The following CDH13 variants were observed in gnomAD, a reference collection of about 807,000 sequenced individuals.
CDH13 encodes the protein cadherin-13.
A neutral mutation model predicts 63.8 loss-of-function variants in CDH13; 24 were observed. The observed-to-expected ratio is 0.38, with a 90% CI of 0.27 to 0.53. The LOEUF is 0.53. Ranked by LOEUF, CDH13 falls within the 20% of genes least tolerant of loss-of-function variation. The pLI is 0.85. For synonymous variants in CDH13, 503 were observed against 355.3 expected (o/e 1.42, Z -4.67); for missense variants, 1,049 against 903.1 (o/e 1.16, Z -2.07).
intron 10 of CDH13, chr16:83,735,246 C>A (rs1911432989): frequency 6.6e-6 from 1 of 152,128 alleles, no homozygotes; most frequent in Non-Finnish European, 1.5e-5. Flanking sequence ...GATTGTCTTT[C>A]CTAACCATTC....
chr16:82,970,438 G>A (rs1378471154), intron 2 of CDH13, among the ~76,000 whole-genome samples: 1 of 104,794 alleles, frequency 9.5e-6, no homozygotes. Flanking sequence ...TGTCGCCCAG[G>A]CCGGACTGCG....
rs1015861090 is a variant in CDH13, at chr16:83,106,011, G to A, written c.367-19374G>A. 1.1e-4 allele frequency among the ~76,000 whole-genome samples: 17 copies of A among 152,184 alleles called. No individual in the cohort carries two copies. In the East Asian group the frequency reaches 2.3e-3, roughly 21 times the overall value. ...AAGGAAATGTGTTGGAACAATGTCC[G>A]CCTTCACAAGATTAAATTTGTTTCC... On this transcript the variant is annotated intron_variant, in intron 3 of 13. Coordinates refer to ENST00000567109, the MANE Select transcript of CDH13 (RefSeq NM_001257.5).
At chr16:83,205,448 T>C (rs1318254159) in intron 4 of CDH13, among the ~76,000 whole-genome samples, 1 of 152,166 alleles carries the variant, frequency 6.6e-6, no homozygotes, top group Non-Finnish European at 1.5e-5. Flanking sequence ...TCTCCCATGT[T>C]ATGTAAAATG....
chr16:83,424,558 C>T (rs1217663052), intron 6 of CDH13, among the ~76,000 whole-genome samples: 1 of 152,064 alleles, frequency 6.6e-6, no homozygotes, highest in Non-Finnish European at 1.5e-5. Flanking sequence ...ATTAGTTAGA[C>T]TGAGGCAAAC....
chr16:82,736,456 A>G (rs2033678358), intron 1 of CDH13, among the ~76,000 whole-genome samples: 1 of 152,186 alleles, frequency 6.6e-6, no homozygotes, highest in South Asian at 2.1e-4. Context: ...TGCATTGATG[A>G]ACAAGTTGCA....
intron 2 of CDH13, among the ~76,000 whole-genome samples, chr16:82,869,203 C>T (rs148300977): frequency 7.0e-4 from 106 of 152,246 alleles, no homozygotes; most frequent in African/African-American, 2.3e-3. Context: ...TGCACCACCA[C>T]GCCTGGCTAA....
chr16:82,704,857 G>T (rs1017893670), intron 1 of CDH13, among the ~76,000 whole-genome samples: 3 of 152,206 alleles, frequency 2.0e-5, no homozygotes, highest in Admixed American at 6.5e-5. Flanking sequence ...GATAATGCAT[G>T]AACCATGCTT....
intron 5 of CDH13, among the ~76,000 whole-genome samples, chr16:83,328,686 G>A (rs1163902750): frequency 6.6e-6 from 1 of 152,148 alleles, no homozygotes; most frequent in East Asian, 1.9e-4. Context: ...TATAGCTGAT[G>A]GAAGCAGCTG....
intron 6 of CDH13, among the ~76,000 whole-genome samples, chr16:83,457,988 C>T (rs1400201516): frequency 6.6e-6 from 1 of 152,168 alleles, no homozygotes; most frequent in African/African-American, 2.4e-5. Context: ...AAAAGAGGGT[C>T]CCGGGGGCAG....
At chr16:83,586,208 A>G (rs1906141295) in intron 7 of CDH13, among the ~76,000 whole-genome samples, 2 of 152,208 alleles carry the variant, frequency 1.3e-5, no homozygotes, top group South Asian at 4.1e-4. Context: ...GCCTGGGGCT[A>G]GAACCACAAG....
chr16:83,466,008 C>T (rs116497399), intron 6 of CDH13, among the ~76,000 whole-genome samples: 3 of 152,158 alleles, frequency 2.0e-5, no homozygotes, highest in Non-Finnish European at 4.4e-5. Context: ...CTTTTCACAG[C>T]AGGTGTCATT....
In CDH13 at chr16:83,655,665, G is replaced by A. The variant is rs546059563; in HGVS notation, c.1102-15125G>A. On this transcript the variant is annotated intron_variant, in intron 8 of 13. Coordinates refer to ENST00000567109, the MANE Select transcript of CDH13 (RefSeq NM_001257.5). ...AAAGTAGAAGCTGTTGCAGGGCTGC[G>A]AAGACAGAGGAATGTCAGCTCCATG... Among the ~76,000 whole-genome samples the A allele has an allele frequency of 1.4e-4, 22 of 152,332 alleles. No individual in the cohort carries two copies. In the South Asian group the frequency reaches 3.3e-3, roughly 23 times the overall value.
In CDH13 at chr16:83,388,788, A is replaced by G. The variant is rs564031684; in HGVS notation, c.781+43782A>G. On this transcript the variant is annotated intron_variant, in intron 6 of 13. Transcript: ENST00000567109. Reference sequence around the variant, plus strand: ...TCCATACTTGCTCCCCAGGATGGCCATGGATACAGCTACATTAGCCTCACC... The same window carrying G: ...TCCATACTTGCTCCCCAGGATGGCCGTGGATACAGCTACATTAGCCTCACC... 1.8e-4 allele frequency among the ~76,000 whole-genome samples: 28 copies of G among 152,316 alleles called. 1 individual carries two copies. The South Asian group carries it at 5.8e-3, about 32-fold the overall frequency.
chr16:83,206,044 C>A (rs1421092352), intron 4 of CDH13, among the ~76,000 whole-genome samples: 1 of 152,120 alleles, frequency 6.6e-6, no homozygotes, highest in South Asian at 2.1e-4. Context: ...TTACATATTT[C>A]ATTACGGGGT....
rs143529788 is a variant in CDH13, at chr16:83,365,227, C to T, written c.781+20221C>T. On this transcript the variant is annotated intron_variant, in intron 6 of 13. Coordinates refer to ENST00000567109, the MANE Select transcript of CDH13 (RefSeq NM_001257.5). ...ATGGTATCATTTCCAGTCTAAACGC[C>T]AGCAGGAAGGGCCAATGTATTGTTT... 5.3e-5 allele frequency among the ~76,000 whole-genome samples: 8 copies of T among 152,276 alleles called. No individual in the cohort carries two copies. The East Asian group carries it at 1.5e-3, about 29-fold the overall frequency.
At chr16:83,056,709 T>TA (rs1345974689) in intron 3 of CDH13, among the ~76,000 whole-genome samples, 1 of 152,120 alleles carries the variant, frequency 6.6e-6, no homozygotes, top group African/African-American at 2.4e-5. Context: ...GCAGCTCCCA[T>TA]AATCCCCACA....
intron 5 of CDH13, among the ~76,000 whole-genome samples, chr16:83,312,124 A>G (rs918471901): frequency 6.1e-5 from 9 of 148,304 alleles, no homozygotes; most frequent in African/African-American, 1.7e-4. Flanking sequence ...TTTTTTGTCT[A>G]TTGGTTGTAT....
chr16:83,329,137 A>G (rs1049161604), intron 5 of CDH13, among the ~76,000 whole-genome samples: 3 of 152,210 alleles, frequency 2.0e-5, no homozygotes, highest in Non-Finnish European at 4.4e-5. Flanking sequence ...GATTCCGGAG[A>G]ACCTACTAAA....
At chr16:82,944,131 A>T (rs1904433074) in intron 2 of CDH13, among the ~76,000 whole-genome samples, 1 of 152,214 alleles carries the variant, frequency 6.6e-6, no homozygotes, top group South Asian at 2.1e-4. Context: ...ATTAGAGATC[A>T]GGAGAATCGT....
Sources: allele counts gnomAD v4.1 joint callset (sites outside exome capture counted in the v4.1 genomes callset), GRCh38; gene constraint gnomAD v4.1.1; transcripts MANE v1.5; gene names NCBI Gene and HGNC (gene_info 2026-07-23, HGNC 2026-07-21).